SYCP2L: variants seen among roughly 807,000 people sequenced by gnomAD.
The protein encoded by SYCP2L is synaptonemal complex protein 2-like.
Under a neutral mutation model 125.8 loss-of-function variants are expected in SYCP2L, and 98 were observed. The observed-to-expected ratio is 0.78, with a 90% CI of 0.66 to 0.92. The LOEUF (loss-of-function observed/expected upper bound fraction) is 0.92. SYCP2L is among the 40% of genes least tolerant of loss of function. The pLI, the probability that SYCP2L is intolerant of heterozygous loss-of-function variation, is 0.00. For synonymous variants in SYCP2L, 317 were observed against 325.4 expected (o/e 0.97, Z 0.28); for missense variants, 842 against 936.4 (o/e 0.90, Z 1.32).
At chr6:10,930,138 G>C (rs10484891) in intron 18 of SYCP2L, 83,591 of 340,566 alleles carry the variant, frequency 0.25, 11,802 homozygotes, top group East Asian at 0.46. Flanking sequence ...TGTTGCAAAC[G>C]TTTTATTAGA....
intron 21 of SYCP2L, among the ~76,000 whole-genome samples, chr6:10,940,917 G>T (rs1581836460): frequency 6.6e-6 from 1 of 152,140 alleles, no homozygotes; most frequent in African/African-American, 2.4e-5. Flanking sequence ...CCCTGCCCGT[G>T]TTATTTGAGG....
At chr6:10,973,601 G>T in intron 29 of SYCP2L, among the ~76,000 whole-genome samples, 1 of 152,122 alleles carries the variant, frequency 6.6e-6, no homozygotes, top group East Asian at 1.9e-4. Flanking sequence ...TCCTAGTGTG[G>T]CCCCTAAAGC....
intron 28 of SYCP2L, among the ~76,000 whole-genome samples, chr6:10,962,296 A>G (rs1476037263): frequency 6.7e-6 from 1 of 149,656 alleles, no homozygotes; most frequent in Non-Finnish European, 1.5e-5. Context: ...TCCTATGCAT[A>G]TATTCCAAAG....
rs755671343 is a variant in SYCP2L, at chr6:10,912,800, T to C, written c.1011+35T>C. 6.2e-7 allele frequency: 1 copy of C among 1,607,938 alleles called. No homozygotes were observed. Among genetic ancestry groups the C allele is most frequent in the Non-Finnish European group, 8.5e-7 (1 of 1,175,042 alleles). Reference sequence around the variant, plus strand: ...TTCGATTCTTGGTTAGAACTAAGCCTTTAGAGATCTTTTTTATGTAAGTAT... The same window carrying C: ...TTCGATTCTTGGTTAGAACTAAGCCCTTAGAGATCTTTTTTATGTAAGTAT... On this transcript the variant is annotated intron_variant, in intron 13 of 29. Transcript: ENST00000283141. The surrounding 1 kb of genome is among the most constrained non-coding windows in gnomAD (Gnocchi z 4.1).
intron 19 of SYCP2L, 116 bp downstream of exon 19, chr6:10,930,630 A>G: frequency 8.2e-7 from 1 of 1,215,288 alleles, no homozygotes; most frequent in South Asian, 1.4e-5. Context: ...TTATGGGGCC[A>G]GCTTTCCCTG....
intron 20 of SYCP2L, among the ~76,000 whole-genome samples, chr6:10,933,288 C>T (rs1447453327): frequency 1.3e-5 from 2 of 152,342 alleles, no homozygotes; most frequent in South Asian, 2.1e-4. Flanking sequence ...CTACTCACCT[C>T]TGCCTTTGTA....
At position 10,899,377 on chromosome 6, in the gene SYCP2L, C is replaced by T. The variant is rs564269659; in HGVS notation, c.466+529C>T. ...AGCCTGGGCAACATAGTGAGACCCC[C>T]ATCTCTACAAGAAATAAAAAATTAT... On this transcript the variant is annotated intron_variant, in intron 6 of 29. Coordinates refer to ENST00000283141, the MANE Select transcript of SYCP2L (RefSeq NM_001040274.3). Among the ~76,000 whole-genome samples the T allele has an allele frequency of 7.2e-5, 11 of 152,070 alleles. No individual in the cohort carries two copies. The South Asian group carries it at 2.1e-3, about 29-fold the overall frequency.
chr6:10,935,036 TA>T, intron 20 of SYCP2L, 21 bp from the exon 21 acceptor site: 1 of 1,565,544 alleles, frequency 6.4e-7, no homozygotes, highest in South Asian at 1.2e-5. Context: ...TGTTAACACT[TA>T]AAAAAGATAC....
intron 5 of SYCP2L, among the ~76,000 whole-genome samples, chr6:10,898,385 C>T (rs142564860): frequency 2.8e-4 from 42 of 152,016 alleles, no homozygotes; most frequent in African/African-American, 8.9e-4. Context: ...TGGTGGTGGG[C>T]GCCTGTAATT....
intron 5 of SYCP2L, among the ~76,000 whole-genome samples, 154 bp downstream of exon 5, chr6:10,898,269 C>T (rs915972638): frequency 5.3e-5 from 8 of 152,156 alleles, no homozygotes; most frequent in African/African-American, 1.7e-4. Context: ...AATCCCAGCA[C>T]TTTGGGAGGC....
intron 29 of SYCP2L, among the ~76,000 whole-genome samples, chr6:10,965,904 G>A (rs192332096): frequency 6.6e-6 from 1 of 152,258 alleles, no homozygotes; most frequent in African/African-American, 2.4e-5. Context: ...CCTAAGATCA[G>A]GAGTTTGAGA....
intron 24 of SYCP2L, 79 bp downstream of exon 24, chr6:10,955,296 C>A: frequency 1.1e-6 from 1 of 870,020 alleles, no homozygotes; most frequent in South Asian, 1.6e-5. Flanking sequence ...ACATGAATCA[C>A]AAGGGAGGTA....
chr6:10,895,675 T>C (rs1490014090), intron 4 of SYCP2L, among the ~76,000 whole-genome samples: 1 of 151,974 alleles, frequency 6.6e-6, no homozygotes, highest in Non-Finnish European at 1.5e-5. Flanking sequence ...GATCAGATTA[T>C]TCGAAGAGAA....
At position 10,958,210 on chromosome 6, in the gene SYCP2L, AT is replaced by A. The variant is rs139005082; in HGVS notation, c.2164-565del. Among the ~76,000 whole-genome samples the A allele has an allele frequency of 2.1e-4, 31 of 146,018 alleles. No individual in the cohort carries two copies. In the East Asian group the frequency reaches 5.2e-3, roughly 25 times the overall value. On this transcript the variant is annotated intron_variant, in intron 25 of 29. Transcript: ENST00000283141. ...ATAAATACCCGAGACTGGATAATTT[AT>A]TTTTTTTTAAAAAAAGAGGTTTAAT...
chr6:10,890,805 A>G (rs937516028), intron 1 of SYCP2L, among the ~76,000 whole-genome samples: 4 of 152,132 alleles, frequency 2.6e-5, no homozygotes, highest in Non-Finnish European at 5.9e-5. Context: ...TTATTCTAGT[A>G]GTTTGGGATC....
At chr6:10,952,538 A>T (rs12333056) in intron 23 of SYCP2L, among the ~76,000 whole-genome samples, 5,497 of 151,946 alleles carry the variant, frequency 0.036, 334 homozygotes, top group African/African-American at 0.13. Context: ...TGGAACATTG[A>T]AATTCAAGGA....
intron 18 of SYCP2L, among the ~76,000 whole-genome samples, chr6:10,929,207 T>G (rs780451964): frequency 4.7e-4 from 72 of 152,170 alleles, no homozygotes; most frequent in Non-Finnish European, 9.0e-4. Flanking sequence ...GGCTGTGTAT[T>G]CTCTTTTCAT....
intron 20 of SYCP2L, among the ~76,000 whole-genome samples, chr6:10,931,980 G>A (rs1011915067): frequency 6.8e-5 from 8 of 117,132 alleles, no homozygotes; most frequent in South Asian, 3.1e-4. Flanking sequence ...AAAAAAAAAA[G>A]ATTGAGGGTC....
intron 9 of SYCP2L, among the ~76,000 whole-genome samples, chr6:10,906,700 C>T (rs922335013): frequency 5.9e-5 from 9 of 151,514 alleles, no homozygotes; most frequent in East Asian, 1.9e-4. Context: ...CGTTTTCAAG[C>T]GACTCTCCTG....
Sources: gnomAD v4.1 joint callset for allele counts (sites outside exome capture counted in the v4.1 genomes callset) on GRCh38, gnomAD v4.1.1 for gene constraint, Gnocchi (gnomAD v3.1) non-coding constraint, MANE v1.5 for transcripts, NCBI Gene and HGNC (gene_info 2026-07-23, HGNC 2026-07-21) for gene names.